The following HMCN1 variants were observed in gnomAD, a reference collection of about 807,000 sequenced individuals.
The protein encoded by HMCN1 is hemicentin-1.
HMCN1 carries 321 observed loss-of-function variants against 625.9 expected under a neutral mutation model. The observed-to-expected ratio is 0.51, with a 90% CI of 0.47 to 0.56. HMCN1 has a LOEUF of 0.56. HMCN1 is among the 20% of genes least tolerant of loss of function. The pLI is 0.00. For missense variants in HMCN1, 6,588 were observed against 6,887.3 expected, an observed-to-expected ratio of 0.96 and a Z score of 1.54; for synonymous variants, 2,425 against 2,417.6, an observed-to-expected ratio of 1.00 and a Z score of -0.09.
At chr1:185,895,926 A>T (rs1665460620) in intron 4 of HMCN1, among the ~76,000 whole-genome samples, 1 of 151,284 alleles carries the variant, frequency 6.6e-6, no homozygotes, top group South Asian at 2.1e-4. Context: ...ATATGTTGTT[A>T]TAGTCTCATT....
intron 20 of HMCN1, 104 bp from the exon 21 acceptor site, chr1:185,989,384 G>T: frequency 7.8e-7 from 1 of 1,286,060 alleles, no homozygotes; most frequent in Non-Finnish European, 1.1e-6. Context: ...CCCTCTTGGA[G>T]ATGTTTTTTT....
rs921060748 is a variant in HMCN1 at position 186,128,339 on chromosome 1, C to T, written c.12904+48C>T. On this transcript the variant is annotated intron_variant, in intron 83 of 106. Transcript: ENST00000271588. The stretch of plus-strand genomic sequence containing the variant: ...AGTGAATAAATACACCTATGTAGAA[C>T]TCTAGACGAAGCTCTGTTTCCTCCA... 9 of 1,427,110 alleles carry T rather than the reference C, an allele frequency of 6.3e-6. No individual in the cohort carries two copies. In the African/African-American group the frequency reaches 7.0e-5, roughly 11 times the overall value. 88.4% of individuals were successfully genotyped at this position (1,427,110 alleles called of 1,614,324 possible). A position where few individuals can be genotyped will look rare whatever the true frequency, so the allele number is the denominator to read the frequency against.
chr1:185,851,591 C>CA (rs1662164865), intron 2 of HMCN1, among the ~76,000 whole-genome samples: 1 of 152,072 alleles, frequency 6.6e-6, no homozygotes. Context: ...CAAATGACAA[C>CA]AAATGGTATT....
intron 60 of HMCN1, 47 bp from the exon 61 acceptor site, chr1:186,087,885 C>T (rs1318241681): frequency 2.7e-6 from 4 of 1,500,580 alleles, no homozygotes; most frequent in African/African-American, 1.4e-5. Context: ...TATGATTGGT[C>T]ATCTATAACT....
At chr1:185,932,860 C>A (rs542963438) in intron 10 of HMCN1, among the ~76,000 whole-genome samples, 1 of 152,126 alleles carries the variant, frequency 6.6e-6, no homozygotes, top group Non-Finnish European at 1.5e-5. Flanking sequence ...TAAAAAGAAC[C>A]AACTAACTAG....
intron 78 of HMCN1, 152 bp downstream of exon 78, chr1:186,119,450 TA>T: frequency 4.1e-6 from 3 of 732,628 alleles, no homozygotes; most frequent in Non-Finnish European, 7.2e-6. Flanking sequence ...TTTAATAGGC[TA>T]AAAAAGGCAC....
chr1:186,031,584 C>T (rs968406447), intron 36 of HMCN1, among the ~76,000 whole-genome samples: 3 of 151,940 alleles, frequency 2.0e-5, no homozygotes, highest in Admixed American at 1.3e-4. Flanking sequence ...TCAGTTATTA[C>T]TTTTTAAGGC....
chr1:186,015,831 CA>C (rs1423345949), intron 31 of HMCN1, 126 bp from the exon 32 acceptor site: 12 of 807,980 alleles, frequency 1.5e-5, no homozygotes, highest in Non-Finnish European at 2.5e-5. Flanking sequence ...TAGAGGGAGA[CA>C]GGCATATAGG....
chr1:185,825,423 T>C (rs2102277132), intron 1 of HMCN1, among the ~76,000 whole-genome samples: 1 of 152,342 alleles, frequency 6.6e-6, no homozygotes, highest in South Asian at 2.1e-4. Context: ...TCGTTTCGGA[T>C]GCCAAGAAAG....
chr1:186,084,478 T>A (rs1309539467), intron 57 of HMCN1, among the ~76,000 whole-genome samples: 1 of 152,120 alleles, frequency 6.6e-6, no homozygotes, highest in Non-Finnish European at 1.5e-5. Context: ...ATTACTTAAA[T>A]GTTGGAAAAT....
At chr1:185,946,199 A>G (rs1380991627) in intron 11 of HMCN1, among the ~76,000 whole-genome samples, 1 of 152,218 alleles carries the variant, frequency 6.6e-6, no homozygotes, top group Non-Finnish European at 1.5e-5. Flanking sequence ...CTAAGGTAGC[A>G]GATAAATTTA....
At chr1:185,996,688 AAAAT>A (rs1652811071) in intron 24 of HMCN1, among the ~76,000 whole-genome samples, 1 of 152,034 alleles carries the variant, frequency 6.6e-6, no homozygotes. Context: ...AATGGGCTAA[AAAAT>A]AAATAGGAAA....
rs1397130127 is a variant in HMCN1 at position 185,970,380 on chromosome 1, T to C, written c.2258T>C (p.Leu753Pro). Residue 753 changes from leucine (L) to proline (P), a missense_variant, in exon 15 of 107, where the codon CTC (leucine) becomes CCC (proline). This residue lies in a region of HMCN1 where 4,628 missense variants were observed against 4,853.1 expected (regional missense o/e 0.95). Transcript: ENST00000271588. ...RPSTFLIIDP[L>P]LGLLKIQETQ... ...TCAACATTCCTCATTATTGACCCTC[T>C]CTTGGGACTTTTGAAGATTCAAGAA... is the stretch of plus-strand genomic sequence containing the variant. The C allele has an allele frequency of 1.9e-6, 3 of 1,613,884 alleles. No homozygotes were observed. Among genetic ancestry groups the C allele is most frequent in the Middle Eastern group, 1.7e-4 (1 of 6,058 alleles).
At chr1:185,884,139 G>A (rs1178733305) in intron 4 of HMCN1, among the ~76,000 whole-genome samples, 3 of 151,470 alleles carry the variant, frequency 2.0e-5, no homozygotes, top group Non-Finnish European at 4.4e-5. Flanking sequence ...TGGCCCTTTT[G>A]TGGCCTCCTC....
Position 185,908,658 on chromosome 1 carries a change from T to G in HMCN1, c.622-679T>G, listed in dbSNP as rs557175765. 2.0e-5 allele frequency among the ~76,000 whole-genome samples: 3 copies of G among 152,052 alleles called. No homozygotes were observed. The East Asian group carries it at 5.8e-4, about 29-fold the overall frequency. On this transcript the variant is annotated intron_variant, in intron 4 of 106. Transcript: ENST00000271588. ...TTTCTTTATGATTTTTAAAGACTAT[T>G]TTTCAAGAATACACTACTTGGTATT...
chr1:186,053,768 G>A (rs1657124824), intron 43 of HMCN1, 57 bp from the exon 44 acceptor site: 4 of 1,555,492 alleles, frequency 2.6e-6, no homozygotes, highest in Non-Finnish European at 1.8e-6. Flanking sequence ...ACTTGGCAAT[G>A]TATACAAAAT....
rs1401115619 is a variant in HMCN1 at position 185,784,777 on chromosome 1, A to G, written c.268+49730A>G. 2.0e-5 allele frequency among the ~76,000 whole-genome samples: 3 copies of G among 152,336 alleles called. No individual in the cohort carries two copies. The East Asian group carries it at 5.8e-4, about 29-fold the overall frequency. On this transcript the variant is annotated intron_variant, in intron 1 of 106. Transcript: ENST00000271588. ...TAAAAAACTAATCATGGTATCAATT[A>G]CATATTGTAACATGTACAGATCTTA...
intron 11 of HMCN1, among the ~76,000 whole-genome samples, chr1:185,959,643 G>C (rs1649870756): frequency 6.6e-6 from 1 of 152,082 alleles, no homozygotes; most frequent in African/African-American, 2.4e-5. Context: ...TGCTCATGGT[G>C]GTGGTGGTGG....
intron 93 of HMCN1, among the ~76,000 whole-genome samples, chr1:186,149,737 T>A (rs1267298929): frequency 1.3e-5 from 2 of 152,178 alleles, no homozygotes; most frequent in Admixed American, 6.6e-5. Flanking sequence ...GTGAGAGACA[T>A]GAGACTCTTT....
Sources: gnomAD v4.1 joint callset for allele counts (sites outside exome capture counted in the v4.1 genomes callset) on GRCh38, gnomAD v4.1.1 for gene constraint, gnomAD v4.1.1 regional missense constraint, MANE v1.5 for transcripts, NCBI Gene and HGNC (gene_info 2026-07-23, HGNC 2026-07-21) for gene names.